Variants in SCAMP4 observed in about 807,000 individuals in gnomAD.
SCAMP4 encodes the protein secretory carrier-associated membrane protein 4.
SCAMP4 carries 19 observed loss-of-function variants against 32.1 expected under a neutral mutation model. The observed-to-expected ratio is 0.59, with a 90% confidence interval of 0.41 to 0.87. SCAMP4 has a LOEUF of 0.87. Ranked by LOEUF, SCAMP4 falls within the 40% of genes least tolerant of loss-of-function variation. The pLI is 0.00. For missense variants in SCAMP4, 302 were observed against 309.0 expected (o/e 0.98, Z 0.17); for synonymous variants, 152 against 132.7 (o/e 1.15, Z -1.00).
chr19:1,917,071 G>A (rs560277852), intron 2 of SCAMP4, among the ~76,000 whole-genome samples: 1 of 152,310 alleles, frequency 6.6e-6, no homozygotes, highest in African/African-American at 2.4e-5. Context: ...AGGCAGAGGT[G>A]GGCGGATTAT....
intron 5 of SCAMP4, chr19:1,921,037 C>G: frequency 1.0e-6 from 1 of 985,454 alleles, no homozygotes; most frequent in Non-Finnish European, 1.2e-6. Flanking sequence ...AGAAACCCAG[C>G]GGGTCTTAGG....
At chr19:1,917,623 C>G (rs565943787) in intron 2 of SCAMP4, 71 bp from the exon 3 acceptor site, 1 of 1,576,138 alleles carries the variant, frequency 6.3e-7, no homozygotes, top group East Asian at 2.3e-5. Context: ...AGCCTTGGGT[C>G]GAAGGGATGA....
intron 5 of SCAMP4, chr19:1,920,813 C>T: frequency 1.0e-6 from 1 of 985,572 alleles, no homozygotes; most frequent in Non-Finnish European, 1.2e-6. Flanking sequence ...GTGGACAGGC[C>T]TGTGCCCGTG....
intron 5 of SCAMP4, chr19:1,920,998 G>A (rs1298343378): frequency 6.1e-6 from 6 of 985,324 alleles, no homozygotes; most frequent in African/African-American, 1.7e-5. Context: ...CCCTGCCCGA[G>A]GTGGACAGAA....
intron 1 of SCAMP4, among the ~76,000 whole-genome samples, chr19:1,909,104 GAA>G (rs774397199): frequency 6.2e-4 from 81 of 129,890 alleles, no homozygotes; most frequent in African/African-American, 2.3e-3. Context: ...GACTCTGTCT[GAA>G]AAAAAAAAAA....
Position 1,921,268 on chromosome 19 carries a change from G to A in SCAMP4, c.396-1802G>A, listed in dbSNP as rs984507736. 2.8e-5 allele frequency: 28 copies of A among 985,364 alleles called. No individual in the cohort carries two copies. In the Admixed American group the frequency reaches 3.7e-4, roughly 13 times the overall value. 61.0% of individuals were successfully genotyped at this position (985,364 alleles called of 1,614,324 possible). On this transcript the variant is annotated intron_variant, in intron 5 of 6. Transcript: ENST00000316097. ...GCGACAGCCCCGCTCTCCCTGCCCC[G>A]GGCAGCTTCACCAGCGTCACCTCCC...
chr19:1,912,734 C>G lies in SCAMP4; in HGVS notation c.-41-2245C>G, dbSNP rs1275716955. ...ACCGCGTGCTGGCCACCGGCCACGA[C>G]TGCAGCTGCGCGGACAACCCCCTCC... On this transcript the variant is annotated intron_variant, in intron 1 of 6. Transcript: ENST00000316097. 3 of 1,536,398 alleles carry G rather than the reference C, an allele frequency of 2.0e-6. No individual in the cohort carries two copies. In the South Asian group the frequency reaches 3.6e-5, roughly 18 times the overall value.
intron 1 of SCAMP4, among the ~76,000 whole-genome samples, chr19:1,911,432 A>G (rs1319467949): frequency 3.3e-5 from 5 of 152,110 alleles, no homozygotes; most frequent in African/African-American, 1.2e-4. Context: ...TCGGCCTCCC[A>G]TAGTGCTGGG....
At chr19:1,923,615 C>CTTT (rs35226425) in intron 6 of SCAMP4, among the ~76,000 whole-genome samples, 29,970 of 86,380 alleles carry the variant, frequency 0.35, 7,887 homozygotes, top group East Asian at 0.59. Flanking sequence ...CAGCAAAATG[C>CTTT]TTTTTTTTTT....
intron 5 of SCAMP4, chr19:1,920,236 C>CCACGGGTGACGCTGCT (rs2013875153): frequency 1.0e-6 from 1 of 985,342 alleles, no homozygotes; most frequent in African/African-American, 1.7e-5. Flanking sequence ...CGGGAGCTCC[C>CCACGGGTGACGCTGCT]CACGGGTGAC....
intron 5 of SCAMP4, chr19:1,919,250 C>T (rs1006464131): frequency 3.0e-6 from 4 of 1,333,704 alleles, no homozygotes; most frequent in Non-Finnish European, 3.9e-6. Flanking sequence ...CCTGCGTCCT[C>T]GCCAGCGCCC....
chr19:1,914,975 C>T lies in SCAMP4; in HGVS notation c.-41-4C>T, dbSNP rs764722603. The T allele has an allele frequency of 1.2e-6, 2 of 1,613,536 alleles. No individual in the cohort carries two copies. Among genetic ancestry groups the T allele is most frequent in the Non-Finnish European group, 1.7e-6 (2 of 1,179,468 alleles). On this transcript the variant is annotated splice_polypyrimidine_tract_variant and splice_region_variant and intron_variant, in intron 1 of 6. Transcript: ENST00000316097. ...TTCCCTGACTGTGGTTGTCTTCCTTCCAGGCGGCTGCAGGCTTCAGCCTGC... is the reference window on the plus strand; with the variant it reads ...TTCCCTGACTGTGGTTGTCTTCCTTTCAGGCGGCTGCAGGCTTCAGCCTGC...
chr19:1,922,273 A>G lies in SCAMP4; in HGVS notation c.396-797A>G, dbSNP rs2013942174. On this transcript the variant is annotated intron_variant, in intron 5 of 6. Transcript: ENST00000316097. Reference sequence around the variant, plus strand: ...AAGCAGTGCTTTCCCTCGTTTTTTTATTTTGAGACAGAATCTTGCTCTGTC... The same window carrying G: ...AAGCAGTGCTTTCCCTCGTTTTTTTGTTTTGAGACAGAATCTTGCTCTGTC... 4.1e-6 allele frequency: 4 copies of G among 984,852 alleles called. No individual in the cohort carries two copies. The South Asian group carries it at 1.4e-4, about 35-fold the overall frequency. The allele number at this position is 984,852 out of a possible 1,614,324, so 61.0% of individuals were successfully genotyped here. A position where few individuals can be genotyped will look rare whatever the true frequency, so the allele number is the denominator to read the frequency against.
Position 1,910,307 on chromosome 19 carries a change from C to T in SCAMP4, c.-41-4672C>T, listed in dbSNP as rs145778384. ...AGCTTGCGGCCGGGGGACCAAGGGT[C>T]CTGCTCAGTTCCTGGCCACATGGCC... On this transcript the variant is annotated intron_variant, in intron 1 of 6. Transcript: ENST00000316097. Among the ~76,000 whole-genome samples the T allele has an allele frequency of 6.4e-3, 981 of 152,312 alleles. 2 individuals are homozygous for T. The highest frequency in any genetic ancestry group is 0.02 in the Middle Eastern group (6 of 294).
rs1377269892 is a variant in SCAMP4, at chr19:1,908,481, T to C, written c.-42+3042T>C. ...GCGAAATGATCCAGAGACACATCCC[T>C]GTCTGCGGGAGGAGCCGTCCATACC... On this transcript the variant is annotated intron_variant, in intron 1 of 6. Transcript: ENST00000316097. This position sits in a 1 kb window ranked among gnomAD's most constrained non-coding sequence, Gnocchi z 4.2. 2.1e-6 allele frequency: 1 copy of C among 470,856 alleles called. No individual in the cohort carries two copies. The highest frequency in any genetic ancestry group is 4.4e-6 in the Non-Finnish European group (1 of 227,004). 29.2% of individuals were successfully genotyped at this position (470,856 alleles called of 1,614,324 possible). A position where few individuals can be genotyped will look rare whatever the true frequency, so the allele number is the denominator to read the frequency against.
chr19:1,918,091 C>G (rs376345428), intron 3 of SCAMP4, 36 bp from the exon 4 acceptor site: 51 of 1,585,004 alleles, frequency 3.2e-5, no homozygotes, highest in Non-Finnish European at 4.4e-5. Flanking sequence ...CACACCCTCC[C>G]GTGCCTGCTC....
In SCAMP4 at chr19:1,912,690, G is replaced by A. The variant is rs1406771304; in HGVS notation, c.-41-2289G>A. ...GGGCTTGCGGGCCGTGGGGGCCGTGGTAGTGGACCCGGCCTCGGACCGCGT... is the reference window on the plus strand; with the variant it reads ...GGGCTTGCGGGCCGTGGGGGCCGTGATAGTGGACCCGGCCTCGGACCGCGT... On this transcript the variant is annotated intron_variant, in intron 1 of 6. Coordinates refer to ENST00000316097, the MANE Select transcript of SCAMP4 (RefSeq NM_079834.4). 60 of 1,474,022 alleles carry A rather than the reference G, an allele frequency of 4.1e-5. No individual in the cohort carries two copies. Among genetic ancestry groups the A allele is most frequent in the Non-Finnish European group, 5.0e-5 (56 of 1,122,056 alleles). 91.3% of individuals were successfully genotyped at this position (1,474,022 alleles called of 1,614,324 possible).
chr19:1,912,629 G>C, intron 1 of SCAMP4: 1 of 1,450,322 alleles, frequency 6.9e-7, no homozygotes. Context: ...GCCACATGGA[G>C]CGGGCGGTGT....
In SCAMP4 at chr19:1,924,478, C is replaced by T. The variant is rs2014036691; in HGVS notation, c.*194C>T. 1 of 599,294 alleles carries T rather than the reference C, an allele frequency of 1.7e-6. No homozygotes were observed. Among genetic ancestry groups the T allele is most frequent in the African/African-American group, 1.9e-5 (1 of 54,008 alleles). 37.1% of individuals were successfully genotyped at this position (599,294 alleles called of 1,614,324 possible). A position where few individuals can be genotyped will look rare whatever the true frequency, so the allele number is the denominator to read the frequency against. The stretch of plus-strand genomic sequence containing the variant: ...GTTCATCTCATCCGAGAGCGGAGTT[C>T]CTCACAAGCACTCCCCAGCAGCCCT... On this transcript the variant is annotated 3_prime_UTR_variant, in exon 7 of 7. Coordinates refer to ENST00000316097, the MANE Select transcript of SCAMP4 (RefSeq NM_079834.4).
Sources: gnomAD v4.1 joint callset for allele counts (sites outside exome capture counted in the v4.1 genomes callset) on GRCh38, gnomAD v4.1.1 for gene constraint, Gnocchi (gnomAD v3.1) non-coding constraint, MANE v1.5 for transcripts, NCBI Gene and HGNC (gene_info 2026-07-23, HGNC 2026-07-21) for gene names.